Variants in LYST observed in about 807,000 individuals in gnomAD.
The protein encoded by LYST is lysosomal trafficking regulator.
LYST carries 192 observed loss-of-function variants against 413.6 expected under a neutral mutation model. The observed-to-expected ratio is 0.46, with a 90% confidence interval of 0.41 to 0.52. The LOEUF (loss-of-function observed/expected upper bound fraction) is 0.52, where lower values mean the gene tolerates loss of function less well. Among genes scored for constraint, LYST ranks in the 20% least tolerant of loss-of-function variants. The pLI, the probability that LYST is intolerant of heterozygous loss-of-function variation, is 0.00. For missense variants in LYST, 3,815 were observed against 4,499.9 expected, an observed-to-expected ratio of 0.85 and a Z score of 4.35; for synonymous variants, 1,525 against 1,567.3, an observed-to-expected ratio of 0.97 and a Z score of 0.64.
chr1:235,770,916 GA>G (rs1558218793), intron 19 of LYST, among the ~76,000 whole-genome samples: 3 of 151,870 alleles, frequency 2.0e-5, no homozygotes, highest in South Asian at 4.2e-4. Flanking sequence ...TAATACTAGA[GA>G]AAAAAAGAGA....
rs1461842777 is a variant in LYST, at chr1:235,766,036, A to G, written c.6121+43T>C. On this transcript the variant is annotated intron_variant, in intron 21 of 52. Transcript: ENST00000389793. ...TGAATCAAGTGGGAAGAATAAAACA[A>G]AAGTGGAAATAGCCATGATCTAACA... The G allele has an allele frequency of 4.3e-6, 6 of 1,397,510 alleles. No homozygotes were observed. In the Admixed American group the frequency reaches 6.7e-5, roughly 16 times the overall value. 86.6% of individuals were successfully genotyped at this position (1,397,510 alleles called of 1,614,324 possible).
chr1:235,754,229 C>CTTTTTTTTTTTTTTTTTTTTTTTT (rs71576486), intron 25 of LYST, among the ~76,000 whole-genome samples: 1 of 86,552 alleles, frequency 1.2e-5, no homozygotes, highest in Non-Finnish European at 2.6e-5. Context: ...CTTTTCTTTT[C>CTTTTTTTTTTTTTTTTTTTTTTTT]TTTTTTTTTT....
At chr1:235,723,686 C>T (rs1447880357) in intron 39 of LYST, among the ~76,000 whole-genome samples, 1 of 152,170 alleles carries the variant, frequency 6.6e-6, no homozygotes, top group Non-Finnish European at 1.5e-5. Context: ...AAACTGGAGG[C>T]AGCAAGCATA....
At position 235,732,651 on chromosome 1, in the gene LYST, T is replaced by C. The variant is rs571696483; in HGVS notation, c.8801+852A>G. On this transcript the variant is annotated intron_variant, in intron 34 of 52. Coordinates refer to ENST00000389793, the MANE Select transcript of LYST (RefSeq NM_000081.4). Reference sequence around the variant, plus strand: ...TTAGCAGCCAAAATTTTTGTTAACATAAAAAGTAAAATGTGGTATCTAGAG... The same window carrying C: ...TTAGCAGCCAAAATTTTTGTTAACACAAAAAGTAAAATGTGGTATCTAGAG... Among the ~76,000 whole-genome samples, 79 of 152,296 alleles carry C rather than the reference T, an allele frequency of 5.2e-4. 2 individuals carry two copies. The highest frequency in any genetic ancestry group is 4.3e-3 in the Admixed American group (66 of 15,292).
intron 10 of LYST, among the ~76,000 whole-genome samples, chr1:235,794,220 T>C (rs1671326292): frequency 6.6e-6 from 1 of 152,248 alleles, no homozygotes. Context: ...ATAATATTTG[T>C]TAAGCTAATG....
rs569852139 is a variant in LYST at position 235,725,515 on chromosome 1, C to T, written c.9163-1335G>A. On this transcript the variant is annotated intron_variant, in intron 38 of 52. Transcript: ENST00000389793. ...GTCTCTTTTGGCCTGGAGCCTAGAG[C>T]ATAGAAAAAAAGCCTCTCTCTGAGA... Among the ~76,000 whole-genome samples, 106 of 152,110 alleles carry T rather than the reference C, an allele frequency of 7.0e-4. No individual in the cohort carries two copies. In the South Asian group the frequency reaches 0.02, roughly 29 times the overall value.
chr1:235,839,986 T>G (rs1032610812), intron 1 of LYST: 1 of 152,158 alleles, frequency 6.6e-6, no homozygotes, highest in African/African-American at 2.4e-5. Context: ...AGAGACTATC[T>G]CTGGCATCTT....
Position 235,812,973 on chromosome 1 carries a change from G to A in LYST, c.281C>T (p.Thr94Ile), listed in dbSNP as rs777389303. Residue 94 changes from threonine (T) to isoleucine (I), a missense_variant and splice_region_variant, in exon 4 of 53, where the codon ACA becomes ATA. Physicochemically the swap from Thr to Ile is moderately conservative, Grantham distance 89. This residue lies in a region of LYST where 1,648 missense variants were observed against 1,810.3 expected (regional missense o/e 0.91). Transcript: ENST00000389793. ...WKIPVQEEKA[T>I]DFNLPLSADI... ...TATGATAAAGGGAAAAAGCATACCT[G>A]TTGCCTTTTCTTCTTGGACAGGTAT... 1.4e-4 allele frequency: 224 copies of A among 1,598,090 alleles called. 2 individuals are homozygous for A. The East Asian group carries it at 4.1e-3, about 30-fold the overall frequency.
intron 6 of LYST, 91 bp from the exon 7 acceptor site, chr1:235,804,756 T>C (rs965234834): frequency 2.0e-5 from 16 of 793,728 alleles, no homozygotes; most frequent in Middle Eastern, 3.5e-4. Context: ...TACTTAAGTA[T>C]AAAGCTAATC....
chr1:235,825,662 T>A (rs1194705366), intron 3 of LYST, among the ~76,000 whole-genome samples: 1 of 152,150 alleles, frequency 6.6e-6, no homozygotes, highest in South Asian at 2.1e-4. Flanking sequence ...AACCACTCAA[T>A]AGTGCAGAGA....
chr1:235,807,651 TG>T (rs1442001286), intron 5 of LYST, among the ~76,000 whole-genome samples: 5 of 152,320 alleles, frequency 3.3e-5, no homozygotes, highest in African/African-American at 9.6e-5. Flanking sequence ...GTTTCTAAAA[TG>T]GTATATGCAT....
At chr1:235,702,055 C>G (rs1480603522) in intron 45 of LYST, among the ~76,000 whole-genome samples, 1 of 151,952 alleles carries the variant, frequency 6.6e-6, no homozygotes, top group Non-Finnish European at 1.5e-5. Context: ...TCCTTTACAA[C>G]GTCTTTCCCT....
intron 28 of LYST, among the ~76,000 whole-genome samples, chr1:235,749,800 G>C (rs1199597942): frequency 1.3e-5 from 2 of 152,128 alleles, no homozygotes; most frequent in Non-Finnish European, 2.9e-5. Flanking sequence ...TAATAAACTT[G>C]AAGTTACGTA....
chr1:235,818,808 C>T (rs1674442924), intron 3 of LYST, among the ~76,000 whole-genome samples: 1 of 152,182 alleles, frequency 6.6e-6, no homozygotes, highest in Non-Finnish European at 1.5e-5. Flanking sequence ...AGCCCTTGCT[C>T]CACATACTGG....
At chr1:235,712,658 A>C in intron 42 of LYST, 1 of 985,084 alleles carries the variant, frequency 1.0e-6, no homozygotes, top group Non-Finnish European at 1.2e-6. Context: ...TGTTAAGACT[A>C]CTTTTTCTCC....
At chr1:235,845,037 C>T (rs1023043648) in intron 1 of LYST, among the ~76,000 whole-genome samples, 12 of 152,090 alleles carry the variant, frequency 7.9e-5, no homozygotes, top group African/African-American at 2.9e-4. Context: ...TGGTGGCTTG[C>T]ATTGTGAATT....
intron 19 of LYST, among the ~76,000 whole-genome samples, chr1:235,771,271 A>T (rs931314670): frequency 5.3e-5 from 8 of 152,228 alleles, no homozygotes; most frequent in African/African-American, 1.9e-4. Context: ...ATACCAACAA[A>T]AAAAGAAAAA....
intron 30 of LYST, among the ~76,000 whole-genome samples, chr1:235,743,660 A>T (rs1665635857): frequency 6.6e-6 from 1 of 152,192 alleles, no homozygotes; most frequent in East Asian, 1.9e-4. Flanking sequence ...TTAAAAAGAA[A>T]TAGTTCATGT....
intron 28 of LYST, among the ~76,000 whole-genome samples, chr1:235,749,298 G>A (rs1666235106): frequency 6.6e-6 from 1 of 152,090 alleles, no homozygotes; most frequent in East Asian, 1.9e-4. Context: ...AAGTATATGT[G>A]TAAAAAAACA....
Sources: allele counts gnomAD v4.1 joint callset (sites outside exome capture counted in the v4.1 genomes callset), GRCh38; gene constraint gnomAD v4.1.1; regional missense constraint gnomAD v4.1.1; transcripts MANE v1.5; gene names NCBI Gene and HGNC (gene_info 2026-07-23, HGNC 2026-07-21).